The following WDR59 variants were observed in gnomAD, a reference collection of about 807,000 sequenced individuals.
The protein encoded by WDR59 is WD repeat domain 59, also known as GATOR2 complex protein WDR59.
WDR59 carries 100 observed loss-of-function variants against 131.2 expected under a neutral mutation model. The ratio of observed to expected loss-of-function variants is 0.76; its 90% CI spans 0.65 to 0.90. WDR59 has a LOEUF of 0.90. Among genes scored for constraint, WDR59 ranks in the 40% least tolerant of loss-of-function variants. The pLI is 0.00. For missense variants in WDR59, 1,203 were observed against 1,262.2 expected, an observed-to-expected ratio of 0.95 and a Z score of 0.71; for synonymous variants, 601 against 466.2, an observed-to-expected ratio of 1.29 and a Z score of -3.72.
At chr16:74,935,123 G>A (rs992266380) in intron 8 of WDR59, among the ~76,000 whole-genome samples, 1 of 152,084 alleles carries the variant, frequency 6.6e-6, no homozygotes, top group Non-Finnish European at 1.5e-5. Flanking sequence ...CAGCTACTGA[G>A]GGAGGCTGAG....
intron 17 of WDR59, 81 bp downstream of exon 17, chr16:74,908,827 C>G: frequency 8.3e-7 from 1 of 1,200,238 alleles, no homozygotes; most frequent in Non-Finnish European, 1.2e-6. Flanking sequence ...TGTCCAAAAG[C>G]AAACTCAGTG....
intron 9 of WDR59, among the ~76,000 whole-genome samples, chr16:74,923,430 A>G (rs1431430946): frequency 6.6e-6 from 1 of 152,116 alleles, no homozygotes; most frequent in Non-Finnish European, 1.5e-5. Flanking sequence ...TTTGATCAGC[A>G]ATTCTGATGT....
At chr16:74,958,290 T>A (rs188352021) in intron 2 of WDR59, among the ~76,000 whole-genome samples, 9 of 152,060 alleles carry the variant, frequency 5.9e-5, no homozygotes, top group Admixed American at 3.9e-4. Flanking sequence ...TGGTAATTGA[T>A]CTAAAGAAAG....
At chr16:74,941,845 C>A (rs1270135130) in intron 7 of WDR59, among the ~76,000 whole-genome samples, 1 of 152,186 alleles carries the variant, frequency 6.6e-6, no homozygotes. Flanking sequence ...CACGCCTGAT[C>A]TCTGCTCCAC....
chr16:74,894,416 T>C (rs1388533342), intron 18 of WDR59, among the ~76,000 whole-genome samples: 1 of 152,154 alleles, frequency 6.6e-6, no homozygotes, highest in Non-Finnish European at 1.5e-5. Context: ...GTAACAGACA[T>C]GGAAGATTGT....
chr16:74,974,262 T>C (rs546338327), intron 1 of WDR59, among the ~76,000 whole-genome samples: 19 of 152,310 alleles, frequency 1.2e-4, no homozygotes, highest in Admixed American at 6.5e-4. Flanking sequence ...CACTGGGTAC[T>C]ACTAGGTACG....
intron 14 of WDR59, among the ~76,000 whole-genome samples, chr16:74,911,273 G>A (rs1567711227): frequency 6.6e-6 from 1 of 152,196 alleles, no homozygotes; most frequent in Non-Finnish European, 1.5e-5. Context: ...GGCATATTCA[G>A]ATTCCAAGTT....
intron 17 of WDR59, among the ~76,000 whole-genome samples, chr16:74,905,480 G>C (rs1035929784): frequency 1.7e-4 from 26 of 151,240 alleles, no homozygotes; most frequent in African/African-American, 5.8e-4. Context: ...AGGAAATCGA[G>C]ACCATCCTGG....
At chr16:74,945,377 T>A (rs542261169) in intron 6 of WDR59, among the ~76,000 whole-genome samples, 1 of 151,684 alleles carries the variant, frequency 6.6e-6, no homozygotes, top group African/African-American at 2.4e-5. Context: ...CTCGGGAGGC[T>A]GAGGCAGGAG....
At position 74,909,088 on chromosome 16, in the gene WDR59, C is replaced by T. The variant is rs1300288549; in HGVS notation, c.1643-111G>A. Reference sequence around the variant, plus strand: ...TATCTCTGTACACCTGAGGGTAAGACACATTTTCATAAGCTGCAAGACTCC... The same window carrying T: ...TATCTCTGTACACCTGAGGGTAAGATACATTTTCATAAGCTGCAAGACTCC... On this transcript the variant is annotated intron_variant, in intron 16 of 25. Transcript: ENST00000262144. The T allele has an allele frequency of 1.5e-5, 14 of 916,688 alleles. No homozygotes were observed. The African/African-American group carries it at 2.0e-4, about 13-fold the overall frequency. The allele number at this position is 916,688 out of a possible 1,614,324, so 56.8% of individuals were successfully genotyped here.
At position 74,909,926 on chromosome 16, in the gene WDR59, G is replaced by A. The variant is rs762237029; in HGVS notation, c.1390-9C>T. ...GCTGTGTCCTTCAGGATCTAGAAAAGGCCCAAAACACAGTCAAGAAGAGGA... is the reference window on the plus strand; with the variant it reads ...GCTGTGTCCTTCAGGATCTAGAAAAAGCCCAAAACACAGTCAAGAAGAGGA... On this transcript the variant is annotated splice_polypyrimidine_tract_variant and intron_variant, in intron 14 of 25. Coordinates refer to ENST00000262144, the MANE Select transcript of WDR59 (RefSeq NM_030581.4). 3 of 1,602,634 alleles carry A rather than the reference G, an allele frequency of 1.9e-6. No homozygotes were observed. In the South Asian group the frequency reaches 3.4e-5, roughly 18 times the overall value.
intron 21 of WDR59, 22 bp downstream of exon 21, chr16:74,889,681 A>C: frequency 6.3e-7 from 1 of 1,599,460 alleles, no homozygotes; most frequent in South Asian, 1.1e-5. Flanking sequence ...CATTTTTCTC[A>C]TTTTTAGCTC....
intron 7 of WDR59, 74 bp downstream of exon 7, chr16:74,942,664 G>T: frequency 4.1e-6 from 6 of 1,456,202 alleles, no homozygotes; most frequent in Non-Finnish European, 5.8e-6. Context: ...CCAAGTCCTG[G>T]CACTCATAAA....
chr16:74,978,021 A>G (rs947089144), intron 1 of WDR59, among the ~76,000 whole-genome samples: 1 of 152,120 alleles, frequency 6.6e-6, no homozygotes, highest in African/African-American at 2.4e-5. Flanking sequence ...CAGCCTGGGC[A>G]TCAACAGCCA....
intron 8 of WDR59, among the ~76,000 whole-genome samples, chr16:74,933,364 T>C (rs970739336): frequency 6.6e-6 from 1 of 152,174 alleles, no homozygotes; most frequent in Non-Finnish European, 1.5e-5. Flanking sequence ...AACTGATCTC[T>C]GAGCACATCA....
intron 6 of WDR59, 91 bp downstream of exon 6, chr16:74,948,428 A>C (rs2032784930): frequency 1.6e-6 from 2 of 1,213,474 alleles, no homozygotes; most frequent in Non-Finnish European, 2.4e-6. Context: ...AGGGAGATGG[A>C]AAGGAATAGG....
Position 74,874,134 on chromosome 16 carries a change from C to T in WDR59, c.*75G>A. The stretch of plus-strand genomic sequence containing the variant: ...GGGACGAACCCAGGTTCTGGAGCCT[C>T]TCCCCTGACAGACAGCTTGTCACCG... On this transcript the variant is annotated 3_prime_UTR_variant, in exon 26 of 26. Transcript: ENST00000262144. The T allele has an allele frequency of 7.6e-7, 1 of 1,310,970 alleles. No individual in the cohort carries two copies. The highest frequency in any genetic ancestry group is 1.4e-5 in the South Asian group (1 of 71,806). 81.2% of individuals were successfully genotyped at this position (1,310,970 alleles called of 1,614,324 possible).
At chr16:74,882,807 CAAAAAAAAAAA>C (rs569507124) in intron 25 of WDR59, among the ~76,000 whole-genome samples, 1 of 51,420 alleles carries the variant, frequency 1.9e-5, no homozygotes, top group South Asian at 1.3e-3. Flanking sequence ...AACACTGTCT[CAAAAAAAAAAA>C]AAAAAAAAAA....
chr16:74,960,122 G>T (rs2033488896), intron 2 of WDR59, among the ~76,000 whole-genome samples: 16 of 151,940 alleles, frequency 1.1e-4, no homozygotes, highest in Admixed American at 1.1e-3. Context: ...CTGAGCTCAG[G>T]GGCTTGAGAC....
Sources: allele counts gnomAD v4.1 joint callset (sites outside exome capture counted in the v4.1 genomes callset), GRCh38; gene constraint gnomAD v4.1.1; transcripts MANE v1.5; gene names NCBI Gene and HGNC (gene_info 2026-07-23, HGNC 2026-07-21).